Variants in FDFT1 observed in about 807,000 individuals in gnomAD.
The protein encoded by FDFT1 is farnesyl-diphosphate farnesyltransferase 1.
FDFT1 carries 68 observed loss-of-function variants against 46.8 expected under a neutral mutation model. The observed-to-expected ratio is 1.45, with a 90% CI of 1.19 to 1.78. FDFT1 has a LOEUF of 1.78. FDFT1 is among the 40% of genes most tolerant of loss of function. FDFT1 has a pLI of 0.00. For synonymous variants in FDFT1, 351 were observed against 185.1 expected (o/e 1.90, Z -7.28); for missense variants, 928 against 524.4 (o/e 1.77, Z -7.52).
At chr8:11,815,422 C>T (rs539322874) in intron 3 of FDFT1, among the ~76,000 whole-genome samples, 1 of 152,162 alleles carries the variant, frequency 6.6e-6, no homozygotes, top group African/African-American at 2.4e-5. Context: ...ATTTCTAGTT[C>T]TAGATCCTTG....
In FDFT1 at chr8:11,809,785, C is replaced by G; in HGVS notation, c.316C>G (p.Gln106Glu). ...ACACAACTTTCACTCTTTCCTTTAC[C>G]AACCAGACTGGCGGTTCATGGAGAG... ...LLHNFHSFLY[Q>E]PDWRFMESKE... Residue 106 changes from glutamine to glutamate, a missense_variant, in exon 3 of 8, where the codon CAA (glutamine) becomes GAA (glutamate). Transcript: ENST00000220584. 6.2e-7 allele frequency: 1 copy of G among 1,614,164 alleles called. No individual in the cohort carries two copies. The highest frequency in any genetic ancestry group is 1.1e-5 in the South Asian group (1 of 91,088).
chr8:11,800,705 A>G (rs528603829), upstream of FDFT1, among the ~76,000 whole-genome samples: 1 of 152,386 alleles, frequency 6.6e-6, no homozygotes, highest in African/African-American at 2.4e-5. Context: ...TGATTTCTTT[A>G]TCATAGCTAG....
chr8:11,808,365 CG>C, intron 1 of FDFT1: 4 of 1,192,376 alleles, frequency 3.4e-6, no homozygotes, highest in Non-Finnish European at 4.2e-6. Flanking sequence ...AGCGGGAGGC[CG>C]GGGGCGGGGC....
At chr8:11,806,202 A>G (rs78092027) in intron 1 of FDFT1, among the ~76,000 whole-genome samples, 2,813 of 151,920 alleles carry the variant, frequency 0.019, 80 homozygotes, top group African/African-American at 0.065. Context: ...AATTCCCTCC[A>G]TCCCTGTTTT....
intron 1 of FDFT1, chr8:11,808,288 C>G (rs959899651): frequency 7.4e-6 from 9 of 1,223,322 alleles, no homozygotes; most frequent in African/African-American, 3.1e-5. Context: ...CGGAAGTGCG[C>G]TGGGTTCCCT....
At position 11,805,114 on chromosome 8, in the gene FDFT1, G is replaced by C. The variant is rs543314824; in HGVS notation, c.99+2183G>C. On this transcript the variant is annotated intron_variant, in intron 1 of 7. Transcript: ENST00000220584. ...AATTTTTTTGTAGACACAATGTCTC[G>C]CTGCATTGCCCAGGCTGGTCTTGAA... Among the ~76,000 whole-genome samples the C allele has an allele frequency of 1.6e-3, 244 of 151,620 alleles. 3 individuals carry two copies. Among genetic ancestry groups the C allele is most frequent in the African/African-American group, 5.7e-3 (236 of 41,238 alleles).
In FDFT1 at chr8:11,821,805, T is replaced by G. The variant is rs779303626; in HGVS notation, c.437T>G (p.Ile146Ser). ...AAATACCAAACAGTGATTGCCGACA[T>G]TTGCCGGAGAATGGGCATTGGGATG... Reference protein sequence around the residue: ...AEKYQTVIADICRRMGIGMAE... With the variant: ...AEKYQTVIADSCRRMGIGMAE... Residue 146 changes from isoleucine (I) to serine (S), a missense_variant, in exon 4 of 8, where the codon ATT becomes AGT. Physicochemically the swap from Ile to Ser is moderately radical, Grantham distance 142. Transcript: ENST00000220584. The G allele has an allele frequency of 1.2e-6, 2 of 1,613,778 alleles. No homozygotes were observed. The highest frequency in any genetic ancestry group is 2.7e-5 in the African/African-American group (2 of 75,036).
chr8:11,830,209 C>T lies in FDFT1; in HGVS notation c.703-35C>T, dbSNP rs370010461. ...GTTTGTAAATTCTCCCCTATGCACACGCTGACCTGTTCCTTAATCTTCTTA... is the reference window on the plus strand; with the variant it reads ...GTTTGTAAATTCTCCCCTATGCACATGCTGACCTGTTCCTTAATCTTCTTA... On this transcript the variant is annotated intron_variant, in intron 5 of 7. Coordinates refer to ENST00000220584, the MANE Select transcript of FDFT1 (RefSeq NM_004462.5). 50 of 1,545,108 alleles carry T rather than the reference C, an allele frequency of 3.2e-5. No individual in the cohort carries two copies. The Middle Eastern group carries it at 5.1e-4, about 16-fold the overall frequency.
At chr8:11,832,027 T>C (rs1346549327) in intron 7 of FDFT1, among the ~76,000 whole-genome samples, 2 of 152,162 alleles carry the variant, frequency 1.3e-5, no homozygotes, top group East Asian at 3.9e-4. Context: ...CAGTGCGTGA[T>C]TGAGTGGATC....
intron 4 of FDFT1, among the ~76,000 whole-genome samples, chr8:11,824,249 G>A (rs979645907): frequency 2.0e-5 from 3 of 152,120 alleles, no homozygotes; most frequent in Non-Finnish European, 4.4e-5. Flanking sequence ...ATTGTATGTG[G>A]ATATTGCATT....
At chr8:11,828,212 C>G (rs1240575481) in intron 5 of FDFT1, among the ~76,000 whole-genome samples, 1 of 152,076 alleles carries the variant, frequency 6.6e-6, no homozygotes, top group African/African-American at 2.4e-5. Flanking sequence ...TGCCTGAGCC[C>G]AGGAGTTCAA....
chr8:11,807,479 T>G (rs1184423736), intron 1 of FDFT1, among the ~76,000 whole-genome samples: 3 of 152,128 alleles, frequency 2.0e-5, no homozygotes, highest in African/African-American at 7.2e-5. Context: ...GATAAATGAT[T>G]CCAGTCTCTC....
At chr8:11,824,162 T>C (rs931426242) in intron 4 of FDFT1, among the ~76,000 whole-genome samples, 6 of 152,330 alleles carry the variant, frequency 3.9e-5, no homozygotes, top group Admixed American at 1.3e-4. Flanking sequence ...GGTCATTTCC[T>C]AACTTTTACC....
At chr8:11,796,320 A>G (rs1206161043) in intron 1 of FDFT1, among the ~76,000 whole-genome samples, 3 of 152,196 alleles carry the variant, frequency 2.0e-5, no homozygotes, top group African/African-American at 4.8e-5. Context: ...ACACTCCGCC[A>G]GATACTGTGT....
rs141148322 is a variant in FDFT1 at position 11,831,647 on chromosome 8, A to G, written c.1009A>G (p.Ile337Val). ...DATNMPAVKA[I>V]IYQYMEEIYH... ...CACCAATATGCCAGCTGTCAAAGCC[A>G]TCATATATCAGTATATGGAAGAGGT... Residue 337 changes from isoleucine (I) to valine (V), a missense_variant, in exon 7 of 8, where the codon ATC (isoleucine) becomes GTC (valine). Coordinates refer to ENST00000220584, the MANE Select transcript of FDFT1 (RefSeq NM_004462.5). 1.3e-5 allele frequency: 21 copies of G among 1,614,052 alleles called. No homozygotes were observed. The highest frequency in any genetic ancestry group is 1.6e-5 in the Non-Finnish European group (19 of 1,179,862).
chr8:11,821,802 A>G lies in FDFT1; in HGVS notation c.434A>G (p.Asp145Gly), dbSNP rs769365301. 1.9e-6 allele frequency: 3 copies of G among 1,613,664 alleles called. No individual in the cohort carries two copies. The highest frequency in any genetic ancestry group is 2.2e-5 in the East Asian group (1 of 44,888). The change falls in exon 4 of 8, where the codon GAC (aspartate) becomes GGC (glycine). Residue 145 changes from aspartate (D) to glycine (G), a missense_variant. By Grantham distance (94) the Asp-to-Gly change is moderately conservative. Coordinates refer to ENST00000220584, the MANE Select transcript of FDFT1 (RefSeq NM_004462.5). ...LAEKYQTVIA[D>G]ICRRMGIGMA... ...GAGAAATACCAAACAGTGATTGCCG[A>G]CATTTGCCGGAGAATGGGCATTGGG... is the stretch of plus-strand genomic sequence containing the variant.
In FDFT1 at chr8:11,826,047, G is replaced by A. The variant is rs542897126; in HGVS notation, c.534G>A (p.Leu178=). The A allele has an allele frequency of 7.5e-6, 12 of 1,597,968 alleles. No homozygotes were observed. In the South Asian group the frequency reaches 1.1e-4, roughly 15 times the overall value. The change falls in exon 5 of 8, where the codon CTG becomes CTA. Residue 178 remains leucine, a synonymous_variant. Transcript: ENST00000220584. ...WDKYCHYVAG[L]VGIGLSRLFS... ...AGTACTGCCACTATGTTGCTGGGCT[G>A]GTCGGAATTGGCCTTTCCCGTCTTT... is the stretch of plus-strand genomic sequence containing the variant.
rs1270437903 is a variant in FDFT1, at chr8:11,821,878, G to GGT, written c.510+1_510+2dup. The GGT allele has an allele frequency of 6.2e-7, 1 of 1,612,426 alleles. No individual in the cohort carries two copies. The highest frequency in any genetic ancestry group is 8.5e-7 in the Non-Finnish European group (1 of 1,178,956). On this transcript the variant is annotated frameshift_variant and splice_region_variant. Coordinates refer to ENST00000220584, the MANE Select transcript of FDFT1 (RefSeq NM_004462.5). LOFTEE classifies it high-confidence loss of function. ...TGACCTCTGAACAGGAGTGGGACAA[G>GGT]GTTAGTCTCATAAAACAGTGTCTGT...
upstream of FDFT1, chr8:11,802,306 G>C (rs987712206): frequency 2.5e-6 from 1 of 394,658 alleles, no homozygotes; most frequent in African/African-American, 2.1e-5. Context: ...AGGAGCCACC[G>C]AGGCCGGACA....
Sources: allele counts gnomAD v4.1 joint callset (sites outside exome capture counted in the v4.1 genomes callset), GRCh38; gene constraint gnomAD v4.1.1; transcripts MANE v1.5; gene names NCBI Gene and HGNC (gene_info 2026-07-23, HGNC 2026-07-21).